Variants in STK33 observed in about 807,000 individuals in gnomAD.
The protein encoded by STK33 is serine/threonine-protein kinase 33.
STK33 carries 52 observed loss-of-function variants against 58.0 expected under a neutral mutation model. The observed-to-expected ratio is 0.90, with a 90% CI of 0.72 to 1.13. The LOEUF is 1.13. Ranked by LOEUF, STK33 falls within the 50% of genes most tolerant of loss-of-function variation. STK33 has a pLI of 0.00. For missense variants in STK33, 630 were observed against 604.2 expected (o/e 1.04, Z -0.45); for synonymous variants, 215 against 200.1 (o/e 1.07, Z -0.63).
chr11:8,580,310 T>C (rs2029895349), intron 1 of STK33, among the ~76,000 whole-genome samples: 1 of 152,126 alleles, frequency 6.6e-6, no homozygotes, highest in African/African-American at 2.4e-5. Flanking sequence ...ATCCAGTCAT[T>C]TGCAACAACA....
At chr11:8,373,212 G>C in the STK33 span, among the ~76,000 whole-genome samples, 838 of 152,058 alleles carry the variant, frequency 5.5e-3, 7 homozygotes, top group African/African-American at 0.02. Flanking sequence ...GCCTCTGAAG[G>C]CTTAAGCTCA....
At chr11:8,552,103 A>T (rs1307942765) in intron 1 of STK33, among the ~76,000 whole-genome samples, 1 of 152,202 alleles carries the variant, frequency 6.6e-6, no homozygotes. Context: ...AAGATTCCAG[A>T]CCAGTGGCAA....
chr11:8,455,567 G>A (rs1402192169), intron 9 of STK33, among the ~76,000 whole-genome samples: 1 of 152,122 alleles, frequency 6.6e-6, no homozygotes, highest in African/African-American at 2.4e-5. Flanking sequence ...CCAGCACTGT[G>A]GGAGGCTGAG....
chr11:8,437,531 T>C (rs770290028), intron 12 of STK33, among the ~76,000 whole-genome samples: 4 of 152,240 alleles, frequency 2.6e-5, no homozygotes, highest in Non-Finnish European at 5.9e-5. Flanking sequence ...TTATACTTCA[T>C]TGATGAAAGA....
the STK33 span, among the ~76,000 whole-genome samples, chr11:8,354,852 C>G: frequency 6.6e-6 from 1 of 152,210 alleles, no homozygotes; most frequent in Non-Finnish European, 1.5e-5. Flanking sequence ...GGCGCCGGCC[C>G]CTCCGCGGCT....
At chr11:8,347,892 C>G in the STK33 span, among the ~76,000 whole-genome samples, 1 of 152,254 alleles carries the variant, frequency 6.6e-6, no homozygotes. Context: ...CCCTGCAAGG[C>G]TGCCCCTTGG....
chr11:8,419,083 T>A (rs1442482282), intron 14 of STK33, among the ~76,000 whole-genome samples: 2 of 152,208 alleles, frequency 1.3e-5, no homozygotes, highest in Non-Finnish European at 2.9e-5. Context: ...CTCTTTAGTT[T>A]AATTACATAC....
intron 1 of STK33, among the ~76,000 whole-genome samples, chr11:8,523,448 C>T (rs1338535310): frequency 2.6e-5 from 4 of 151,706 alleles, no homozygotes; most frequent in Non-Finnish European, 2.9e-5. Flanking sequence ...CCGGCCGCCC[C>T]GTCTGAGAAG....
At chr11:8,520,732 C>G (rs1239413746) in intron 1 of STK33, among the ~76,000 whole-genome samples, 2 of 152,100 alleles carry the variant, frequency 1.3e-5, no homozygotes, top group Non-Finnish European at 1.5e-5. Flanking sequence ...CATGAGTGAA[C>G]TCACGTTCAC....
At chr11:8,455,031 T>C (rs1946683178) in intron 9 of STK33, among the ~76,000 whole-genome samples, 199 bp from the exon 10 acceptor site, 1 of 152,128 alleles carries the variant, frequency 6.6e-6, no homozygotes, top group African/African-American at 2.4e-5. Flanking sequence ...TTTCTTTGAC[T>C]CCCTCACCTC....
intron 8 of STK33, among the ~76,000 whole-genome samples, chr11:8,460,328 T>C (rs1361744055): frequency 6.6e-6 from 1 of 152,026 alleles, no homozygotes; most frequent in East Asian, 1.9e-4. Context: ...ACAGTTATTA[T>C]AACTCTATTC....
rs367888031 is a variant in STK33 at position 8,576,243 on chromosome 11, C to T, written c.-466+17840G>A. ...CCACTGCACCCATGTCTGGGAAATG[C>T]GTTATTAGTGATCATACTTTGCATG... On this transcript the variant is annotated intron_variant, in intron 1 of 15. Transcript: ENST00000687296. Among the ~76,000 whole-genome samples, 305 of 152,236 alleles carry T rather than the reference C, an allele frequency of 2.0e-3. 2 individuals are homozygous for T. The highest frequency in any genetic ancestry group is 7.0e-3 in the African/African-American group (289 of 41,546).
intron 1 of STK33, among the ~76,000 whole-genome samples, chr11:8,530,729 G>A (rs987266555): frequency 2.6e-5 from 4 of 151,942 alleles, no homozygotes; most frequent in African/African-American, 2.4e-5. Context: ...TTGCTCTGTC[G>A]CCCAGGCTGG....
At chr11:8,414,581 A>C (rs1028492827) in intron 14 of STK33, among the ~76,000 whole-genome samples, 2 of 152,178 alleles carry the variant, frequency 1.3e-5, no homozygotes, top group African/African-American at 2.4e-5. Context: ...AGGGTACTTT[A>C]GGGGTACCCA....
At chr11:8,457,316 A>C (rs963384788) in intron 9 of STK33, 25 bp downstream of exon 9, 1 of 1,507,634 alleles carries the variant, frequency 6.6e-7, no homozygotes, top group Non-Finnish European at 9.0e-7. Context: ...CATGGGGTCA[A>C]TGAGCTGGAT....
chr11:8,410,334 G>A (rs919012459), intron 15 of STK33, among the ~76,000 whole-genome samples: 3 of 152,034 alleles, frequency 2.0e-5, no homozygotes, highest in African/African-American at 7.2e-5. Flanking sequence ...AAACCACCAT[G>A]CCTTTCTACT....
chr11:8,461,984 T>C (rs1179694074), intron 7 of STK33, 75 bp from the exon 8 acceptor site: 38 of 1,177,746 alleles, frequency 3.2e-5, no homozygotes, highest in Non-Finnish European at 4.2e-5. Context: ...AGTTATTTTA[T>C]GTTTTCCTAC....
chr11:8,514,564 A>C (rs1328583916), intron 1 of STK33, among the ~76,000 whole-genome samples: 1 of 152,228 alleles, frequency 6.6e-6, no homozygotes, highest in African/African-American at 2.4e-5. Context: ...ACCAAGGTTG[A>C]GTACCTCAGG....
chr11:8,347,046 C>G, the STK33 span, among the ~76,000 whole-genome samples: 1 of 152,210 alleles, frequency 6.6e-6, no homozygotes, highest in Non-Finnish European at 1.5e-5. Context: ...GATAGCTCAG[C>G]CTTTTCCAGC....
Sources: gnomAD v4.1 joint callset for allele counts (sites outside exome capture counted in the v4.1 genomes callset) on GRCh38, gnomAD v4.1.1 for gene constraint, MANE v1.5 for transcripts, NCBI Gene and HGNC (gene_info 2026-07-23, HGNC 2026-07-21) for gene names.